The following ZMAT3 variants were observed in gnomAD, a reference collection of about 807,000 sequenced individuals.
The protein encoded by ZMAT3 is zinc finger matrin-type 3, also known as zinc finger matrin-type protein 3.
ZMAT3 carries 17 observed loss-of-function variants against 32.3 expected under a neutral mutation model. The ratio of observed to expected loss-of-function variants is 0.53; its 90% CI spans 0.36 to 0.79. ZMAT3 has a LOEUF of 0.79. Ranked by LOEUF, ZMAT3 falls within the 30% of genes least tolerant of loss-of-function variation. ZMAT3 has a pLI of 0.00. For missense variants in ZMAT3, 329 were observed against 359.7 expected, an observed-to-expected ratio of 0.91 and a Z score of 0.69; for synonymous variants, 120 against 133.1, an observed-to-expected ratio of 0.90 and a Z score of 0.68.
chr3:179,038,416 A>G lies in ZMAT3; in HGVS notation c.271-7417T>C, dbSNP rs533903371. Among the ~76,000 whole-genome samples, 5 of 152,182 alleles carry G rather than the reference A, an allele frequency of 3.3e-5. No homozygotes were observed. The East Asian group carries it at 9.7e-4, about 30-fold the overall frequency. ...GGCAAAATGACAAAACCCCATCTCT[A>G]AAAAAAGAAAAATGAGGCAGGCATG... On this transcript the variant is annotated intron_variant, in intron 2 of 5. Transcript: ENST00000311417.
Position 179,047,316 on chromosome 3 carries a change from C to T in ZMAT3, c.271-16317G>A, listed in dbSNP as rs929759530. Among the ~76,000 whole-genome samples the T allele has an allele frequency of 2.6e-5, 4 of 152,202 alleles. No homozygotes were observed. The South Asian group carries it at 6.2e-4, about 24-fold the overall frequency. On this transcript the variant is annotated intron_variant, in intron 2 of 5. Transcript: ENST00000311417. ...TCCTAGAGGAAAGGTGAGAGCACCA[C>T]ATCAGGGGAGCACCCTGTGGGACAA... is the stretch of plus-strand genomic sequence containing the variant.
chr3:179,070,931 G>A (rs1432793521), intron 1 of ZMAT3, among the ~76,000 whole-genome samples: 2 of 152,126 alleles, frequency 1.3e-5, no homozygotes, highest in African/African-American at 4.8e-5. Flanking sequence ...AATCTACAGA[G>A]GAAAGAGAAT....
chr3:179,028,925 C>T (rs1286029261), intron 3 of ZMAT3, among the ~76,000 whole-genome samples: 4 of 151,990 alleles, frequency 2.6e-5, no homozygotes, highest in African/African-American at 4.8e-5. Context: ...TTTGGGAGGC[C>T]GAGGCAGGTG....
intron 2 of ZMAT3, among the ~76,000 whole-genome samples, chr3:179,048,099 T>C (rs1720342812): frequency 6.6e-6 from 1 of 151,958 alleles, no homozygotes; most frequent in African/African-American, 2.4e-5. Context: ...TAACCCAAAT[T>C]GATAAAGACA....
At chr3:179,043,537 T>G (rs939054666) in intron 2 of ZMAT3, among the ~76,000 whole-genome samples, 74 of 152,226 alleles carry the variant, frequency 4.9e-4, no homozygotes, top group Non-Finnish European at 9.6e-4. Flanking sequence ...AAGCTGAAAC[T>G]GGATCCCTTC....
rs770066832 is a variant in ZMAT3, at chr3:179,067,797, A to G, written c.-45T>C. ...CATAATCCAGTGGGTGATGAGAAGCAAGGTCTTCAAATCTGAATCAACAGC... is the reference window on the plus strand; with the variant it reads ...CATAATCCAGTGGGTGATGAGAAGCGAGGTCTTCAAATCTGAATCAACAGC... On this transcript the variant is annotated 5_prime_UTR_variant, in exon 2 of 6. Coordinates refer to ENST00000311417, the MANE Select transcript of ZMAT3 (RefSeq NM_022470.4). 19 of 1,595,474 alleles carry G rather than the reference A, an allele frequency of 1.2e-5. No homozygotes were observed. Among genetic ancestry groups the G allele is most frequent in the Non-Finnish European group, 1.6e-5 (19 of 1,169,996 alleles).
Position 179,021,836 on chromosome 3 carries a change from T to C in ZMAT3, c.*3181A>G, listed in dbSNP as rs1298141720. On this transcript the variant is annotated 3_prime_UTR_variant, in exon 6 of 6. Coordinates refer to ENST00000311417, the MANE Select transcript of ZMAT3 (RefSeq NM_022470.4). ...TAGGCATTTCCTGCCTGATAACCTC[T>C]GTCACCCTTTGTTTTCACCTATGGA... 1 of 152,248 alleles carries C rather than the reference T, an allele frequency of 6.6e-6. No homozygotes were observed. Among genetic ancestry groups the C allele is most frequent in the Non-Finnish European group, 1.5e-5 (1 of 68,044 alleles). The allele number at this position is 152,248 out of a possible 1,614,324, so 9.4% of individuals were successfully genotyped here.
rs4955811 is a variant in ZMAT3 at position 179,018,054 on chromosome 3, G to A, written c.*6963C>T. ...GGTACTCAGGTACCAAAAGAGGGCA[G>A]AACAATGACCAGCCACTCCAAAAGA... is the stretch of plus-strand genomic sequence containing the variant. On this transcript the variant is annotated 3_prime_UTR_variant, in exon 6 of 6. Coordinates refer to ENST00000311417, the MANE Select transcript of ZMAT3 (RefSeq NM_022470.4). 0.97 allele frequency: 147,194 copies of A among 152,232 alleles called. 71,201 individuals carry two copies. The highest frequency in any genetic ancestry group is 1 in the East Asian group (5,175 of 5,178). The allele number at this position is 152,232 out of a possible 1,614,324, so 9.4% of individuals were successfully genotyped here.
chr3:179,041,334 A>G (rs1212638976), intron 2 of ZMAT3, among the ~76,000 whole-genome samples: 1 of 152,244 alleles, frequency 6.6e-6, no homozygotes, highest in Non-Finnish European at 1.5e-5. Context: ...AATTGGAAGT[A>G]AAGTATTCCT....
intron 2 of ZMAT3, among the ~76,000 whole-genome samples, chr3:179,059,115 G>T (rs1408451323): frequency 6.6e-6 from 1 of 152,040 alleles, no homozygotes; most frequent in Non-Finnish European, 1.5e-5. Flanking sequence ...TCGTCAGAAA[G>T]GAAAGGAAAG....
intron 2 of ZMAT3, among the ~76,000 whole-genome samples, chr3:179,057,545 G>A (rs917210078): frequency 4.9e-4 from 74 of 152,286 alleles, no homozygotes; most frequent in African/African-American, 1.7e-3. Context: ...TTCGGTACGT[G>A]GATGATTTAC....
At chr3:179,050,194 T>C in intron 2 of ZMAT3, among the ~76,000 whole-genome samples, 1 of 151,856 alleles carries the variant, frequency 6.6e-6, no homozygotes. Flanking sequence ...AAGGTTGGTT[T>C]TTTGACAAGA....
rs1721728301 is a variant in ZMAT3 at position 179,071,648 on chromosome 3, C to G, written c.-111G>C. 6.6e-6 allele frequency: 1 copy of G among 152,184 alleles called. No homozygotes were observed. The highest frequency in any genetic ancestry group is 1.5e-5 in the Non-Finnish European group (1 of 68,090). 9.4% of individuals were successfully genotyped at this position (152,184 alleles called of 1,614,324 possible). ...CCGCGCCGCGTCCGCCCGGGACGCCCGCGACGCCCGCCCTGCGCGCCCGGC... is the reference window on the plus strand; with the variant it reads ...CCGCGCCGCGTCCGCCCGGGACGCCGGCGACGCCCGCCCTGCGCGCCCGGC... On this transcript the variant is annotated 5_prime_UTR_variant, in exon 1 of 6. Coordinates refer to ENST00000311417, the MANE Select transcript of ZMAT3 (RefSeq NM_022470.4).
At chr3:179,030,354 CTTT>C (rs1230618538) in intron 3 of ZMAT3, among the ~76,000 whole-genome samples, 4 of 132,044 alleles carry the variant, frequency 3.0e-5, no homozygotes, top group Admixed American at 7.6e-5. Flanking sequence ...CCCAGAATTT[CTTT>C]TTTTTTTTTT....
At chr3:179,070,185 C>G (rs528906326) in intron 1 of ZMAT3, among the ~76,000 whole-genome samples, 3 of 152,098 alleles carry the variant, frequency 2.0e-5, no homozygotes, top group African/African-American at 7.2e-5. Context: ...CTACCAATTG[C>G]CTAGGCATGT....
chr3:179,054,291 C>A (rs1720719300), intron 2 of ZMAT3, among the ~76,000 whole-genome samples: 1 of 152,176 alleles, frequency 6.6e-6, no homozygotes, highest in Admixed American at 6.5e-5. Context: ...TAGTATCATC[C>A]TCCTCATCAT....
chr3:179,022,004 G>A lies in ZMAT3; in HGVS notation c.*3013C>T, dbSNP rs1404839813. On this transcript the variant is annotated 3_prime_UTR_variant, in exon 6 of 6. Transcript: ENST00000311417. Reference sequence around the variant, plus strand: ...AACTTCCCAGAGTTTGGAATTTAAGGAGCAAACTGAGTTATTGTAGGCAAT... The same window carrying A: ...AACTTCCCAGAGTTTGGAATTTAAGAAGCAAACTGAGTTATTGTAGGCAAT... The A allele has an allele frequency of 6.6e-6, 1 of 152,138 alleles. No individual in the cohort carries two copies. Among genetic ancestry groups the A allele is most frequent in the Non-Finnish European group, 1.5e-5 (1 of 68,022 alleles). The allele number at this position is 152,138 out of a possible 1,614,324, so 9.4% of individuals were successfully genotyped here.
chr3:179,028,624 G>C (rs929941300), intron 3 of ZMAT3, among the ~76,000 whole-genome samples: 19 of 152,198 alleles, frequency 1.2e-4, no homozygotes, highest in African/African-American at 3.4e-4. Context: ...GCCCCCACTG[G>C]GGGTAGCTAT....
intron 2 of ZMAT3, among the ~76,000 whole-genome samples, chr3:179,036,565 T>G (rs1390515796): frequency 6.6e-6 from 1 of 151,330 alleles, no homozygotes; most frequent in Non-Finnish European, 1.5e-5. Flanking sequence ...GATAAGAGGG[T>G]AGAAGGGAGG....
Sources: gnomAD v4.1 joint callset for allele counts (sites outside exome capture counted in the v4.1 genomes callset) on GRCh38, gnomAD v4.1.1 for gene constraint, MANE v1.5 for transcripts, NCBI Gene and HGNC (gene_info 2026-07-23, HGNC 2026-07-21) for gene names.